The following ZNF131 variants were observed in gnomAD, a reference collection of about 807,000 sequenced individuals.
ZNF131 encodes zinc finger protein 131.
Under a neutral mutation model 60.0 loss-of-function variants are expected in ZNF131, and 7 were observed. That is an observed-to-expected ratio of 0.12 (90% CI 0.07 to 0.22). ZNF131 has a LOEUF of 0.22. Ranked by LOEUF, ZNF131 falls within the 10% of genes least tolerant of loss-of-function variation. ZNF131 has a pLI of 1.00. For missense variants in ZNF131, 493 were observed against 740.9 expected, an observed-to-expected ratio of 0.67 and a Z score of 3.88; for synonymous variants, 257 against 253.2, an observed-to-expected ratio of 1.01 and a Z score of -0.14.
At chr5:43,130,861 C>T (rs972174542) in intron 3 of ZNF131, among the ~76,000 whole-genome samples, 6 of 150,546 alleles carry the variant, frequency 4.0e-5, no homozygotes, top group South Asian at 2.1e-4. Flanking sequence ...CCACCACGCC[C>T]GGCTCTTTTG....
At position 43,130,712 on chromosome 5, in the gene ZNF131, G is replaced by A. The variant is rs1035257441; in HGVS notation, c.226+7402G>A. ...CTCGAGTAGCTGGGATTACAGGCATGCACCACCATGCCCAACTCATTTTTT... is the reference window on the plus strand; with the variant it reads ...CTCGAGTAGCTGGGATTACAGGCATACACCACCATGCCCAACTCATTTTTT... On this transcript the variant is annotated intron_variant, in intron 3 of 6. Transcript: ENST00000682664. 6.8e-5 allele frequency among the ~76,000 whole-genome samples: 10 copies of A among 147,006 alleles called. No individual in the cohort carries two copies. The South Asian group carries it at 1.7e-3, about 26-fold the overall frequency.
intron 3 of ZNF131, among the ~76,000 whole-genome samples, chr5:43,132,063 T>C (rs1302365252): frequency 6.6e-6 from 1 of 152,346 alleles, no homozygotes; most frequent in East Asian, 1.9e-4. Flanking sequence ...TTTATATGTA[T>C]ATAGTAAGTG....
intron 5 of ZNF131, among the ~76,000 whole-genome samples, chr5:43,163,155 A>G (rs889802019): frequency 5.9e-5 from 9 of 151,406 alleles, no homozygotes; most frequent in Non-Finnish European, 1.3e-4. Flanking sequence ...TTGTATTTTT[A>G]GTAGAGACGG....
chr5:43,143,621 A>C (rs1747143746), intron 4 of ZNF131: 2 of 221,554 alleles, frequency 9.0e-6, no homozygotes, highest in Non-Finnish European at 1.8e-5. Context: ...TGGCCACTGA[A>C]GTCTGCATAG....
chr5:43,122,582 G>A (rs1248082467), intron 2 of ZNF131, among the ~76,000 whole-genome samples: 1 of 152,100 alleles, frequency 6.6e-6, no homozygotes, highest in African/African-American at 2.4e-5. Context: ...CTTGAAGGGA[G>A]AATGAGAGAT....
chr5:43,137,669 A>G (rs1746299201), intron 3 of ZNF131, among the ~76,000 whole-genome samples: 2 of 152,232 alleles, frequency 1.3e-5, no homozygotes. Context: ...ATTATGGAAA[A>G]CAGTATGAAT....
At chr5:43,158,929 C>G (rs1422403158) in intron 4 of ZNF131, among the ~76,000 whole-genome samples, 1 of 151,664 alleles carries the variant, frequency 6.6e-6, no homozygotes, top group Admixed American at 6.6e-5. Flanking sequence ...TGCAAGCCTA[C>G]AAGTTTTCCT....
chr5:43,155,643 G>A (rs769783041), intron 4 of ZNF131, among the ~76,000 whole-genome samples: 14 of 152,182 alleles, frequency 9.2e-5, no homozygotes, highest in Non-Finnish European at 2.1e-4. Flanking sequence ...TTGCAGGTTA[G>A]CTGATAGAAA....
chr5:43,162,479 C>G (rs1161894032), intron 5 of ZNF131, among the ~76,000 whole-genome samples: 1 of 151,600 alleles, frequency 6.6e-6, no homozygotes, highest in Non-Finnish European at 1.5e-5. Flanking sequence ...ATAGTCCCAG[C>G]TACTCTGGAG....
Position 43,123,316 on chromosome 5 carries a change from T to C in ZNF131, c.226+6T>C. 6.3e-7 allele frequency: 1 copy of C among 1,578,682 alleles called. No individual in the cohort carries two copies. Among genetic ancestry groups the C allele is most frequent in the Middle Eastern group, 1.7e-4 (1 of 5,922 alleles). Reference sequence around the variant, plus strand: ...ACCATTGGTGGAGATAGAAGGTAAATGATTCTTGTTGTTTTTTTATTTAAT... The same window carrying C: ...ACCATTGGTGGAGATAGAAGGTAAACGATTCTTGTTGTTTTTTTATTTAAT... On this transcript the variant is annotated splice_donor_region_variant and intron_variant, in intron 3 of 6. Coordinates refer to ENST00000682664, the MANE Select transcript of ZNF131 (RefSeq NM_001330707.2).
chr5:43,152,946 C>A (rs1748508383), intron 4 of ZNF131, among the ~76,000 whole-genome samples: 1 of 152,130 alleles, frequency 6.6e-6, no homozygotes, highest in African/African-American at 2.4e-5. Context: ...CCTATATCTT[C>A]TGGAGTCGTA....
chr5:43,153,693 A>T (rs1265024542), intron 4 of ZNF131, among the ~76,000 whole-genome samples: 3 of 152,008 alleles, frequency 2.0e-5, no homozygotes, highest in Non-Finnish European at 4.4e-5. Context: ...GCTTTTTCAG[A>T]TTGGGTTTAT....
At chr5:43,135,011 T>TATACACTAACAA (rs1745882576) in intron 3 of ZNF131, among the ~76,000 whole-genome samples, 1 of 150,288 alleles carries the variant, frequency 6.7e-6, no homozygotes, top group African/African-American at 2.5e-5. Flanking sequence ...GTTACATTTT[T>TATACACTAACAA]TTTTGAGACT....
chr5:43,160,991 T>G (rs1020064336), intron 4 of ZNF131, among the ~76,000 whole-genome samples: 1 of 152,120 alleles, frequency 6.6e-6, no homozygotes, highest in African/African-American at 2.4e-5. Flanking sequence ...GGCACCTTTT[T>G]TTCCCCCATA....
Position 43,122,146 on chromosome 5 carries a change from C to T in ZNF131, c.93C>T (p.Asp31=). 6.2e-7 allele frequency: 1 copy of T among 1,614,022 alleles called. No individual in the cohort carries two copies. The highest frequency in any genetic ancestry group is 8.5e-7 in the Non-Finnish European group (1 of 1,180,000). Residue 31 remains aspartate (D), a synonymous_variant, in exon 2 of 7, where the codon GAC becomes GAT. Coordinates refer to ENST00000682664, the MANE Select transcript of ZNF131 (RefSeq NM_001330707.2). ...LDRLNEQREQ[D]RFTDITLIVD... is the part of the protein sequence containing the mutation. ...GATTGAATGAACAGCGAGAGCAGGA[C>T]CGGTTTACTGACATCACCCTAATTG...
intron 3 of ZNF131, among the ~76,000 whole-genome samples, chr5:43,128,798 C>CTGGA (rs70991482): frequency 0.076 from 11,557 of 152,052 alleles, 603 homozygotes; most frequent in Non-Finnish European, 0.12. Context: ...GTCACCCAGG[C>CTGGA]TGGAGTGCAG....
chr5:43,163,824 A>T (rs538537907), intron 5 of ZNF131, among the ~76,000 whole-genome samples: 1 of 152,332 alleles, frequency 6.6e-6, no homozygotes, highest in African/African-American at 2.4e-5. Context: ...TTTCTCTTTG[A>T]TGCTGGAGTT....
chr5:43,148,383 TA>T (rs1289157610), intron 4 of ZNF131, among the ~76,000 whole-genome samples: 1 of 152,148 alleles, frequency 6.6e-6, no homozygotes, highest in Non-Finnish European at 1.5e-5. Flanking sequence ...TGTCTCAAAA[TA>T]AAAAGTGGTT....
Position 43,162,969 on chromosome 5 carries a change from C to CTTTTTTTTTTTTTTTTTTTTTTTTTTTTT in ZNF131, c.1054+1056_1054+1057insTTTTTTTTTTTTTTTTTTTTTTTTTTTTT, listed in dbSNP as rs1205635519. Among the ~76,000 whole-genome samples, 6 of 64,906 alleles carry CTTTTTTTTTTTTTTTTTTTTTTTTTTTTT rather than the reference C, an allele frequency of 9.2e-5. 1 individual carries two copies. The highest frequency in any genetic ancestry group is 1.2e-4 in the Non-Finnish European group (4 of 33,908). The allele number at this position is 64,906 out of a possible 152,430, so 42.6% of individuals were successfully genotyped here. On this transcript the variant is annotated intron_variant, in intron 5 of 6. Coordinates refer to ENST00000682664, the MANE Select transcript of ZNF131 (RefSeq NM_001330707.2). The stretch of plus-strand genomic sequence containing the variant: ...TTTATACTTCTTTTCTTTTATTTGC[C>CTTTTTTTTTTTTTTTTTTTTTTTTTTTTT]TTTTTTTTTTTTTTTTTTGGCAGAT...
Sources: gnomAD v4.1 joint callset for allele counts (sites outside exome capture counted in the v4.1 genomes callset) on GRCh38, gnomAD v4.1.1 for gene constraint, MANE v1.5 for transcripts, NCBI Gene and HGNC (gene_info 2026-07-23, HGNC 2026-07-21) for gene names.